The following ATRN variants were observed in gnomAD, a reference collection of about 807,000 sequenced individuals.
ATRN encodes the protein attractin-2.
A neutral mutation model predicts 178.7 loss-of-function variants in ATRN; 54 were observed. The ratio of observed to expected loss-of-function variants is 0.30; its 90% CI spans 0.24 to 0.38. The LOEUF is 0.38. Among genes scored for constraint, ATRN ranks in the 10% least tolerant of loss-of-function variants. ATRN has a pLI of 1.00. For synonymous variants in ATRN, 636 were observed against 663.0 expected, an observed-to-expected ratio of 0.96 and a Z score of 0.63; for missense variants, 1,443 against 1,815.1, an observed-to-expected ratio of 0.79 and a Z score of 3.73.
chr20:3,575,113 G>A (rs1288016272), intron 12 of ATRN, among the ~76,000 whole-genome samples: 4 of 152,100 alleles, frequency 2.6e-5, no homozygotes, highest in Non-Finnish European at 5.9e-5. Flanking sequence ...ACAGGAACGC[G>A]CCACTATGCC....
intron 1 of ATRN, among the ~76,000 whole-genome samples, chr20:3,485,079 C>CA (rs2084672022): frequency 6.6e-6 from 1 of 151,958 alleles, no homozygotes; most frequent in Non-Finnish European, 1.5e-5. Flanking sequence ...ATGGGGGTGT[C>CA]ACAGCTGTCA....
chr20:3,639,412 C>T (rs926579187), intron 27 of ATRN, among the ~76,000 whole-genome samples: 6 of 152,000 alleles, frequency 3.9e-5, no homozygotes, highest in Admixed American at 2.0e-4. Context: ...GCAACCACGC[C>T]CAGCTGATTT....
intron 24 of ATRN, among the ~76,000 whole-genome samples, chr20:3,621,399 C>T (rs374002750): frequency 6.6e-6 from 1 of 152,144 alleles, no homozygotes; most frequent in Non-Finnish European, 1.5e-5. Context: ...AACCCTGGGG[C>T]TCACTGAGCT....
At chr20:3,473,233 GT>G (rs1370796663) in intron 1 of ATRN, among the ~76,000 whole-genome samples, 2 of 152,128 alleles carry the variant, frequency 1.3e-5, no homozygotes, top group Non-Finnish European at 2.9e-5. Context: ...TTGTAATTTT[GT>G]TTAAGGCTGT....
chr20:3,633,545 G>A (rs1167011588), intron 25 of ATRN, among the ~76,000 whole-genome samples: 2 of 152,200 alleles, frequency 1.3e-5, no homozygotes, highest in African/African-American at 2.4e-5. Context: ...ATACCCTGTA[G>A]CTAGCCCCTT....
chr20:3,479,890 A>C (rs1443668421), intron 1 of ATRN, among the ~76,000 whole-genome samples: 1 of 152,152 alleles, frequency 6.6e-6, no homozygotes, highest in Non-Finnish European at 1.5e-5. Flanking sequence ...TCTTAAGGGT[A>C]CCAGTCATAG....
chr20:3,615,980 A>G (rs373209345), intron 24 of ATRN: 3 of 223,086 alleles, frequency 1.3e-5, no homozygotes. Context: ...CCAACATGGC[A>G]TATGTATACA....
At position 3,562,303 on chromosome 20, in the gene ATRN, C is replaced by T. The variant is rs1555816871; in HGVS notation, c.1475C>T (p.Thr492Ile). 6.2e-7 allele frequency: 1 copy of T among 1,613,938 alleles called. No homozygotes were observed. Among genetic ancestry groups the T allele is most frequent in the Non-Finnish European group, 8.5e-7 (1 of 1,179,874 alleles). ...AAGAACACATGGAGTATATTACACA[C>T]CCAGGGTGCCCTTGTGCAAGGGGGT... ...LDKNTWSILH[T>I]QGALVQGGYG... is the part of the protein sequence containing the mutation. Residue 492 changes from threonine (T) to isoleucine (I), a missense_variant, in exon 9 of 29, where the codon ACC becomes ATC. Physicochemically the swap from Thr to Ile is moderately conservative, Grantham distance 89. Around this residue, in one of 4 missense-constraint regions of ATRN, gnomAD observed 862 missense variants for 972.1 expected, o/e 0.89. Transcript: ENST00000262919.
chr20:3,591,114 T>TAA, intron 18 of ATRN, 55 bp from the exon 19 acceptor site: 1 of 1,479,264 alleles, frequency 6.8e-7, no homozygotes, highest in Non-Finnish European at 9.1e-7. Context: ...TTATTGAACT[T>TAA]AACTACATGC....
At chr20:3,539,408 A>C (rs2085586559) in intron 2 of ATRN, among the ~76,000 whole-genome samples, 1 of 152,200 alleles carries the variant, frequency 6.6e-6, no homozygotes, top group Admixed American at 6.5e-5. Flanking sequence ...TGTGATACTT[A>C]AGCAGATTTG....
chr20:3,509,863 T>C lies in ATRN; in HGVS notation c.411-25390T>C, dbSNP rs146919654. 1.7e-4 allele frequency among the ~76,000 whole-genome samples: 26 copies of C among 152,308 alleles called. No individual in the cohort carries two copies. The East Asian group carries it at 4.8e-3, about 28-fold the overall frequency. ...CAGAAAAGTGCAAGAATAAAAACAG[T>C]GCAAAGCACAACTTTGTATTCTACC... On this transcript the variant is annotated intron_variant, in intron 1 of 28. Coordinates refer to ENST00000262919, the MANE Select transcript of ATRN (RefSeq NM_139321.3).
chr20:3,542,801 A>ATTT (rs35265454), intron 3 of ATRN, among the ~76,000 whole-genome samples: 2 of 130,496 alleles, frequency 1.5e-5, no homozygotes, highest in Admixed American at 7.8e-5. Context: ...TAATTTTTGT[A>ATTT]TTTTTTTTTT....
intron 1 of ATRN, among the ~76,000 whole-genome samples, chr20:3,503,317 A>G (rs1183233934): frequency 2.0e-5 from 3 of 152,222 alleles, no homozygotes; most frequent in Non-Finnish European, 4.4e-5. Flanking sequence ...TCATGATATA[A>G]TAGCAAATCA....
intron 1 of ATRN, 71 bp downstream of exon 1, chr20:3,471,588 C>T: frequency 2.9e-6 from 4 of 1,356,676 alleles, no homozygotes; most frequent in Non-Finnish European, 3.8e-6. Flanking sequence ...CGAGACGGCT[C>T]CAGGTCAGAG....
At chr20:3,592,101 TTAAATA>T (rs2146273110) in intron 19 of ATRN, among the ~76,000 whole-genome samples, 1 of 152,252 alleles carries the variant, frequency 6.6e-6, no homozygotes, top group South Asian at 2.1e-4. Flanking sequence ...TTTTAAAGGT[TTAAATA>T]GTCCCGTGTT....
chr20:3,630,621 C>G (rs2086982371), intron 25 of ATRN, among the ~76,000 whole-genome samples: 1 of 152,156 alleles, frequency 6.6e-6, no homozygotes, highest in Non-Finnish European at 1.5e-5. Context: ...GGACCGGCCA[C>G]TTCTACTGGA....
At chr20:3,490,081 T>C in intron 1 of ATRN, 2 of 1,293,124 alleles carry the variant, frequency 1.5e-6, no homozygotes, top group Admixed American at 3.4e-5. Flanking sequence ...GTTCTCTCAA[T>C]GTCTCGCTTG....
At chr20:3,609,285 A>T (rs677421) in intron 24 of ATRN, among the ~76,000 whole-genome samples, 15,007 of 152,024 alleles carry the variant, frequency 0.099, 1,040 homozygotes, top group African/African-American at 0.2. Context: ...TGGAAGTTTT[A>T]AAAAAATCTA....
At chr20:3,646,614 T>G (rs2087109589) in intron 28 of ATRN, 109 bp from the exon 29 acceptor site, 1 of 1,397,608 alleles carries the variant, frequency 7.2e-7, no homozygotes, top group African/African-American at 1.5e-5. Context: ...GGTTTTTTGG[T>G]TTGTTTGTTT....
Sources: allele counts gnomAD v4.1 joint callset (sites outside exome capture counted in the v4.1 genomes callset), GRCh38; gene constraint gnomAD v4.1.1; regional missense constraint gnomAD v4.1.1; transcripts MANE v1.5; gene names NCBI Gene and HGNC (gene_info 2026-07-23, HGNC 2026-07-21).